The following PSD3 variants were observed in gnomAD, a reference collection of about 807,000 sequenced individuals.
PSD3 encodes the protein pleckstrin and Sec7 domain containing 3, also known as PH and SEC7 domain-containing protein 3.
Under a neutral mutation model 105.5 loss-of-function variants are expected in PSD3, and 49 were observed. The ratio of observed to expected loss-of-function variants is 0.46; its 90% CI spans 0.37 to 0.59. PSD3 has a LOEUF of 0.59. Among genes scored for constraint, PSD3 ranks in the 20% least tolerant of loss-of-function variants. The pLI, the probability that PSD3 is intolerant of heterozygous loss-of-function variation, is 0.00. For synonymous variants in PSD3, 557 were observed against 457.8 expected (o/e 1.22, Z -2.77); for missense variants, 1,561 against 1,263.8 (o/e 1.24, Z -3.57).
At chr8:18,659,661 G>T (rs1459100040) in intron 9 of PSD3, among the ~76,000 whole-genome samples, 1 of 152,178 alleles carries the variant, frequency 6.6e-6, no homozygotes, top group African/African-American at 2.4e-5. Flanking sequence ...AAATAATCTG[G>T]TAATGTTCTA....
intron 1 of PSD3, among the ~76,000 whole-genome samples, chr8:19,052,043 G>A (rs932623872): frequency 2.6e-5 from 4 of 152,206 alleles, no homozygotes; most frequent in Non-Finnish European, 2.9e-5. Context: ...TCCACAATTT[G>A]CCCAATTTCA....
At chr8:18,997,049 T>A (rs1318096626) in intron 1 of PSD3, among the ~76,000 whole-genome samples, 1 of 151,904 alleles carries the variant, frequency 6.6e-6, no homozygotes, top group Non-Finnish European at 1.5e-5. Context: ...CCTTCTCATC[T>A]CTTCAATCTC....
At chr8:18,845,251 T>C (rs1374370093) in intron 4 of PSD3, among the ~76,000 whole-genome samples, 1 of 152,184 alleles carries the variant, frequency 6.6e-6, no homozygotes, top group African/African-American at 2.4e-5. Flanking sequence ...GTATTGATCA[T>C]AGATATGACT....
chr8:19,076,607 G>C, intron 1 of PSD3, among the ~76,000 whole-genome samples: 1 of 152,182 alleles, frequency 6.6e-6, no homozygotes, highest in East Asian at 1.9e-4. Flanking sequence ...TATGTTATGT[G>C]TATGATGTTT....
chr8:18,588,841 T>C (rs1039293549), intron 12 of PSD3, among the ~76,000 whole-genome samples: 3 of 152,196 alleles, frequency 2.0e-5, no homozygotes, highest in Non-Finnish European at 4.4e-5. Flanking sequence ...GCTGGTACCT[T>C]TGAAACAGCA....
intron 9 of PSD3, among the ~76,000 whole-genome samples, chr8:18,677,882 T>A (rs367702269): frequency 7.3e-5 from 11 of 151,596 alleles, no homozygotes; most frequent in East Asian, 3.9e-4. Flanking sequence ...TGGTGGCGGG[T>A]GCCTGTAGTC....
chr8:18,658,703 G>A (rs540691282), intron 9 of PSD3, among the ~76,000 whole-genome samples: 10 of 151,886 alleles, frequency 6.6e-5, no homozygotes, highest in South Asian at 6.2e-4. Flanking sequence ...TGATTTCTCC[G>A]TATGAAAATC....
At chr8:18,796,042 GACT>G (rs1208915126) in intron 8 of PSD3, among the ~76,000 whole-genome samples, 2 of 151,946 alleles carry the variant, frequency 1.3e-5, no homozygotes, top group Non-Finnish European at 2.9e-5. Flanking sequence ...TTCACCACAC[GACT>G]ACAATTATAA....
chr8:19,009,707 C>T (rs755639558), intron 1 of PSD3, among the ~76,000 whole-genome samples: 5 of 152,204 alleles, frequency 3.3e-5, no homozygotes, highest in South Asian at 2.1e-4. Flanking sequence ...CTGGGCAACA[C>T]GATGAAACCC....
chr8:19,006,228 G>A (rs2129474915), intron 1 of PSD3, among the ~76,000 whole-genome samples: 1 of 150,414 alleles, frequency 6.6e-6, no homozygotes. Flanking sequence ...GGGAGGCGGG[G>A]GTTGCAGTGA....
At chr8:18,584,088 T>A (rs75694374) in intron 12 of PSD3, among the ~76,000 whole-genome samples, 3 of 152,166 alleles carry the variant, frequency 2.0e-5, no homozygotes, top group East Asian at 1.9e-4. Context: ...CTGGGAACAA[T>A]AGACCTGAAA....
intron 1 of PSD3, among the ~76,000 whole-genome samples, chr8:18,966,312 G>GT (rs1824240888): frequency 6.6e-6 from 1 of 152,170 alleles, no homozygotes; most frequent in South Asian, 2.1e-4. Context: ...GCTCAGGCCT[G>GT]TAATTCCAGC....
intron 1 of PSD3, among the ~76,000 whole-genome samples, chr8:18,962,940 C>A (rs1824011900): frequency 6.6e-6 from 1 of 152,320 alleles, no homozygotes; most frequent in Non-Finnish European, 1.5e-5. Context: ...TTTCAGCCTA[C>A]ACAACATATG....
In PSD3 at chr8:19,040,290, C is replaced by A. The variant is rs372513770; in HGVS notation, c.324+43916G>T. Among the ~76,000 whole-genome samples the A allele has an allele frequency of 6.0e-4, 92 of 152,190 alleles. 1 individual carries two copies. The East Asian group carries it at 0.017, about 28-fold the overall frequency. On this transcript the variant is annotated intron_variant, in intron 1 of 1. Transcript: ENST00000521475. ...TGATCTTCGCTCACTGCAGCCTTAA[C>A]CTCTTGGGCTCAAGTGATCTCCCAC...
intron 4 of PSD3, among the ~76,000 whole-genome samples, chr8:18,867,116 G>A (rs985494451): frequency 5.3e-5 from 8 of 152,112 alleles, no homozygotes; most frequent in Non-Finnish European, 1.0e-4. Context: ...AATAAATACG[G>A]AGCCTAGACC....
At chr8:18,936,433 T>A (rs990098175) in intron 1 of PSD3, among the ~76,000 whole-genome samples, 1 of 152,224 alleles carries the variant, frequency 6.6e-6, no homozygotes, top group Non-Finnish European at 1.5e-5. Context: ...GGTCGGTTTT[T>A]AAAAAATTAA....
intron 9 of PSD3, among the ~76,000 whole-genome samples, chr8:18,711,010 G>A (rs73199938): frequency 7.6e-4 from 116 of 152,078 alleles, no homozygotes; most frequent in Non-Finnish European, 7.9e-4. Context: ...AAGAATTTCC[G>A]ACCTAGAATT....
chr8:19,026,819 G>C (rs1460800749), intron 1 of PSD3, among the ~76,000 whole-genome samples: 1 of 151,768 alleles, frequency 6.6e-6, no homozygotes, highest in Non-Finnish European at 1.5e-5. Context: ...GCTGCAGTGA[G>C]CCATGATTAC....
At chr8:18,904,202 G>A (rs1240707528) in intron 2 of PSD3, among the ~76,000 whole-genome samples, 1 of 152,078 alleles carries the variant, frequency 6.6e-6, no homozygotes, top group African/African-American at 2.4e-5. Context: ...GGAGGTGCTA[G>A]GCTCTTTTAA....
Sources: allele counts gnomAD v4.1 joint callset (sites outside exome capture counted in the v4.1 genomes callset), GRCh38; gene constraint gnomAD v4.1.1; transcripts MANE v1.5; gene names NCBI Gene and HGNC (gene_info 2026-07-23, HGNC 2026-07-21).